Variants in KHDRBS2 observed in about 807,000 individuals in gnomAD.
The protein encoded by KHDRBS2 is KH RNA binding domain containing, signal transduction associated 2, also known as KH domain-containing, RNA-binding, signal transduction-associated protein 2.
A neutral mutation model predicts 44.3 loss-of-function variants in KHDRBS2; 26 were observed. That is an observed-to-expected ratio of 0.59 (90% CI 0.43 to 0.81). The LOEUF is 0.81. Ranked by LOEUF, KHDRBS2 falls within the 40% of genes least tolerant of loss-of-function variation. The pLI, the probability that KHDRBS2 is intolerant of heterozygous loss-of-function variation, is 0.00. For synonymous variants in KHDRBS2, 194 were observed against 151.1 expected (o/e 1.28, Z -2.08); for missense variants, 476 against 433.1 (o/e 1.10, Z -0.88).
At chr6:61,574,135 G>A in the KHDRBS2 span, among the ~76,000 whole-genome samples, 1 of 152,098 alleles carries the variant, frequency 6.6e-6, no homozygotes, top group Admixed American at 6.6e-5. Flanking sequence ...ACACAGGCAT[G>A]CCCACAAGGA....
chr6:61,928,899 T>A lies in KHDRBS2; in HGVS notation c.484-27528A>T, dbSNP rs377488241. 1.7e-4 allele frequency among the ~76,000 whole-genome samples: 26 copies of A among 152,262 alleles called. No homozygotes were observed. In the South Asian group the frequency reaches 2.1e-3, roughly 12 times the overall value. ...TTGTTATACTATAAAATTTATTTTC[T>A]TTCTGATTCCCTTTTCCATTGTTAT... On this transcript the variant is annotated intron_variant, in intron 4 of 8. Coordinates refer to ENST00000281156, the MANE Select transcript of KHDRBS2 (RefSeq NM_152688.4).
intron 1 of KHDRBS2, among the ~76,000 whole-genome samples, chr6:62,265,364 T>G (rs1839017932): frequency 6.6e-6 from 1 of 151,924 alleles, no homozygotes; most frequent in Non-Finnish European, 1.5e-5. Context: ...AATTAATTAG[T>G]TTCCACTTTG....
chr6:62,238,687 TAC>T (rs5876788), intron 1 of KHDRBS2, among the ~76,000 whole-genome samples: 61,470 of 141,524 alleles, frequency 0.43, 13,412 homozygotes, highest in Middle Eastern at 0.53. Context: ...AAGTTTTATA[TAC>T]ACACACACAC....
At chr6:61,965,413 A>G (rs1232694111) in intron 4 of KHDRBS2, among the ~76,000 whole-genome samples, 1 of 152,074 alleles carries the variant, frequency 6.6e-6, no homozygotes, top group African/African-American at 2.4e-5. Flanking sequence ...CCAGATGACA[A>G]AAGTCAAGTT....
At chr6:61,794,769 T>G (rs1372277863) in intron 6 of KHDRBS2, among the ~76,000 whole-genome samples, 2 of 152,142 alleles carry the variant, frequency 1.3e-5, no homozygotes, top group African/African-American at 2.4e-5. Flanking sequence ...CTGTGTTTTT[T>G]TAACATAGTA....
At chr6:61,618,314 GA>G in the KHDRBS2 span, among the ~76,000 whole-genome samples, 1 of 152,054 alleles carries the variant, frequency 6.6e-6, no homozygotes, top group African/African-American at 2.4e-5. Flanking sequence ...ACTATACATG[GA>G]ACATTCTTTA....
At chr6:61,552,270 G>A in the KHDRBS2 span, among the ~76,000 whole-genome samples, 2 of 148,176 alleles carry the variant, frequency 1.3e-5, no homozygotes, top group Non-Finnish European at 3.0e-5. Flanking sequence ...TTCTTTTTAT[G>A]GTTATTGTGA....
intron 4 of KHDRBS2, among the ~76,000 whole-genome samples, chr6:61,948,810 C>T (rs1764151070): frequency 6.6e-6 from 1 of 151,816 alleles, no homozygotes; most frequent in Non-Finnish European, 1.5e-5. Flanking sequence ...CTTCACCTAG[C>T]TTATACCTCA....
chr6:62,001,378 C>A (rs1460232858), intron 3 of KHDRBS2, among the ~76,000 whole-genome samples: 2 of 151,386 alleles, frequency 1.3e-5, no homozygotes, highest in African/African-American at 4.9e-5. Context: ...TCCTTACAAT[C>A]ATTCATTTTT....
chr6:61,776,644 G>A (rs1344410986), intron 6 of KHDRBS2, among the ~76,000 whole-genome samples: 1 of 152,196 alleles, frequency 6.6e-6, no homozygotes, highest in African/African-American at 2.4e-5. Context: ...AACAACAGGT[G>A]CTGGAGAGGA....
chr6:61,868,493 A>G (rs772875202), intron 6 of KHDRBS2, among the ~76,000 whole-genome samples: 2 of 152,172 alleles, frequency 1.3e-5, no homozygotes, highest in African/African-American at 2.4e-5. Flanking sequence ...AACTCTGTCC[A>G]TAGAATACGG....
intron 6 of KHDRBS2, among the ~76,000 whole-genome samples, chr6:61,864,169 T>C (rs1797444423): frequency 6.6e-6 from 1 of 152,168 alleles, no homozygotes. Flanking sequence ...TATGTGTTTC[T>C]TTGAATATGA....
At chr6:61,968,125 C>T (rs1770534146) in intron 4 of KHDRBS2, among the ~76,000 whole-genome samples, 1 of 151,470 alleles carries the variant, frequency 6.6e-6, no homozygotes, top group Non-Finnish European at 1.5e-5. Flanking sequence ...TCTTTTATTC[C>T]TGAGAATAAC....
chr6:61,550,766 C>CTTTTTTTTTTTTTTTTTTTT, the KHDRBS2 span, among the ~76,000 whole-genome samples: 5 of 117,038 alleles, frequency 4.3e-5, no homozygotes, highest in Non-Finnish European at 6.6e-5. Flanking sequence ...GAGATGGTAT[C>CTTTTTTTTTTTTTTTTTTTT]TTTTTTTTTT....
chr6:62,094,032 G>A (rs1305346651), intron 2 of KHDRBS2, among the ~76,000 whole-genome samples: 1 of 151,630 alleles, frequency 6.6e-6, no homozygotes, highest in Admixed American at 6.6e-5. Flanking sequence ...ATTTCTTTTG[G>A]ATATAATACC....
intron 5 of KHDRBS2, among the ~76,000 whole-genome samples, chr6:61,899,741 C>CG (rs949831688): frequency 1.4e-5 from 2 of 142,152 alleles, no homozygotes; most frequent in African/African-American, 5.0e-5. Context: ...ATGCCCCCCC[C>CG]CCGCATTTTA....
intron 6 of KHDRBS2, among the ~76,000 whole-genome samples, chr6:61,736,004 C>T (rs1582494654): frequency 6.6e-6 from 1 of 150,930 alleles, no homozygotes; most frequent in Non-Finnish European, 1.5e-5. Context: ...GTGTGTGTTT[C>T]TTTTCATTCA....
chr6:61,982,419 C>G lies in KHDRBS2; in HGVS notation c.337-4207G>C, dbSNP rs369769233. ...GGGCGCGGTGGCTCACGCCTGTAAT[C>G]TCAGCGCTTTGGGAGGCTGAGGAGG... On this transcript the variant is annotated intron_variant, in intron 3 of 8. Coordinates refer to ENST00000281156, the MANE Select transcript of KHDRBS2 (RefSeq NM_152688.4). 1.2e-4 allele frequency among the ~76,000 whole-genome samples: 19 copies of G among 152,234 alleles called. No homozygotes were observed. In the East Asian group the frequency reaches 1.9e-3, roughly 15 times the overall value.
chr6:61,978,910 T>C (rs1423946998), intron 3 of KHDRBS2, among the ~76,000 whole-genome samples: 1 of 152,088 alleles, frequency 6.6e-6, no homozygotes, highest in Non-Finnish European at 1.5e-5. Flanking sequence ...GCAATTGCCA[T>C]TAATTGCTTT....
Sources: allele counts gnomAD v4.1 joint callset (sites outside exome capture counted in the v4.1 genomes callset), GRCh38; gene constraint gnomAD v4.1.1; transcripts MANE v1.5; gene names NCBI Gene and HGNC (gene_info 2026-07-23, HGNC 2026-07-21).